RPP40: variants seen among roughly 807,000 people sequenced by gnomAD.
RPP40 encodes the protein ribonuclease P/MRP subunit p40, also known as ribonuclease P protein subunit p40.
In RPP40, 30 loss-of-function variants were observed where a neutral mutation model predicts 42.5. That is an observed-to-expected ratio of 0.71 (90% CI 0.53 to 0.96). RPP40 has a LOEUF of 0.96. Among genes scored for constraint, RPP40 ranks in the 40% least tolerant of loss-of-function variants. The probability of loss-of-function intolerance (pLI) is 0.00; values close to 1 mark genes in which losing one functional copy is unlikely to be tolerated. For missense variants in RPP40, 426 were observed against 433.5 expected, an observed-to-expected ratio of 0.98 and a Z score of 0.15; for synonymous variants, 173 against 164.0, an observed-to-expected ratio of 1.05 and a Z score of -0.42.
At chr6:4,998,574 G>A (rs563903187) in intron 5 of RPP40, 142 bp downstream of exon 5, 3 of 551,528 alleles carry the variant, frequency 5.4e-6, no homozygotes, top group East Asian at 3.6e-5. Context: ...AGAAGGGCTA[G>A]TTTCCTTAAT....
intron 5 of RPP40, among the ~76,000 whole-genome samples, chr6:4,996,766 G>A (rs1186180106): frequency 1.3e-5 from 2 of 152,194 alleles, no homozygotes; most frequent in Admixed American, 6.5e-5. Context: ...CAGAGAGAAG[G>A]AGCTTATCTG....
At chr6:4,991,852 C>G (rs1391226681), downstream of RPP40, among the ~76,000 whole-genome samples, 2 of 152,088 alleles carry the variant, frequency 1.3e-5, no homozygotes, top group Non-Finnish European at 2.9e-5. Context: ...GGTGGATTCC[C>G]CCATTTAGTG....
the RPP40 span, among the ~76,000 whole-genome samples, chr6:4,989,111 T>G: frequency 1.3e-5 from 2 of 152,238 alleles, no homozygotes; most frequent in African/African-American, 4.8e-5. Context: ...TGGTTAATGA[T>G]GTTAGAACAT....
In RPP40 at chr6:4,996,416, T is replaced by C; in HGVS notation, c.564A>G (p.Ser188=). The C allele has an allele frequency of 6.2e-7, 1 of 1,612,700 alleles. No homozygotes were observed. Residue 188 remains serine (S), a synonymous_variant, in exon 6 of 8, where the codon TCA becomes TCG. Transcript: ENST00000380051. ...AATATGACATCATTGTCGATTCTTC[T>C]GAACCTTAAAAACACACCACACAAG... ...DFLLAWHKTG[S]EESTMMSYFS...
rs182025400 is a variant in RPP40 at position 4,999,496 on chromosome 6, G to A, written c.433+313C>T. On this transcript the variant is annotated intron_variant, in intron 4 of 7. Coordinates refer to ENST00000380051, the MANE Select transcript of RPP40 (RefSeq NM_006638.4). Reference sequence around the variant, plus strand: ...GCATTTTTAGCAGAGATGGGGTTTCGCCATGTTGGTCACAATGGTCTCAAT... The same window carrying A: ...GCATTTTTAGCAGAGATGGGGTTTCACCATGTTGGTCACAATGGTCTCAAT... 7.7e-4 allele frequency among the ~76,000 whole-genome samples: 117 copies of A among 151,876 alleles called. 1 individual carries two copies. The Middle Eastern group carries it at 0.01, about 13-fold the overall frequency.
intron 1 of RPP40, among the ~76,000 whole-genome samples, chr6:5,003,087 G>A (rs1453350213): frequency 6.6e-6 from 1 of 152,064 alleles, no homozygotes; most frequent in Non-Finnish European, 1.5e-5. Context: ...GGTGGCTCAC[G>A]CCTGTAATCC....
chr6:4,995,188 C>T lies in RPP40; in HGVS notation c.982G>A (p.Glu328Lys). 2 of 1,614,064 alleles carry T rather than the reference C, an allele frequency of 1.2e-6. No individual in the cohort carries two copies. The highest frequency in any genetic ancestry group is 1.7e-6 in the Non-Finnish European group (2 of 1,179,944). Residue 328 changes from glutamate to lysine, a missense_variant, in exon 8 of 8, where the codon GAA becomes AAA. Physicochemically the swap from Glu to Lys is moderately conservative, Grantham distance 56. Coordinates refer to ENST00000380051, the MANE Select transcript of RPP40 (RefSeq NM_006638.4). Reference protein sequence around the residue: ...ADSPVSWEKNEHGFRKGGEHL... With the variant: ...ADSPVSWEKNKHGFRKGGEHL... ...TCTCCTCCTTTTCGAAAACCATGTT[C>T]ATTTTTTTCCCAAGAAACAGGGCTG...
chr6:5,003,153 C>A (rs1759618111), intron 1 of RPP40, among the ~76,000 whole-genome samples: 1 of 151,808 alleles, frequency 6.6e-6, no homozygotes, highest in South Asian at 2.1e-4. Context: ...TCGAGACCAT[C>A]CTGGCTAACA....
intron 4 of RPP40, among the ~76,000 whole-genome samples, chr6:4,999,569 G>A (rs111629923): frequency 7.4e-4 from 112 of 152,068 alleles, no homozygotes; most frequent in African/African-American, 2.5e-3. Flanking sequence ...GGTTTAACCC[G>A]AAACATATAT....
intron 5 of RPP40, 78 bp from the exon 6 acceptor site, chr6:4,996,498 C>G: frequency 7.6e-7 from 1 of 1,313,162 alleles, no homozygotes; most frequent in Non-Finnish European, 1.1e-6. Context: ...TGAACCCACC[C>G]ATTCCCATCT....
intron 4 of RPP40, 29 bp downstream of exon 4, chr6:4,999,780 G>A: frequency 8.4e-7 from 1 of 1,194,638 alleles, no homozygotes; most frequent in Non-Finnish European, 1.2e-6. Context: ...AAGAAGATTA[G>A]AAACAGATGG....
chr6:4,995,831 GAGTTCCTTT>G, intron 7 of RPP40, 111 bp downstream of exon 7: 1 of 897,388 alleles, frequency 1.1e-6, no homozygotes, highest in Non-Finnish European at 1.7e-6. Context: ...TAGGCGATTT[GAGTTCCTTT>G]CAATGTACAT....
downstream of RPP40, among the ~76,000 whole-genome samples, chr6:4,992,119 C>T (rs145603787): frequency 0.093 from 14,096 of 151,806 alleles, 676 homozygotes; most frequent in Non-Finnish European, 0.11. Context: ...GGAGAGATCA[C>T]GAGGTCAGGA....
downstream of RPP40, among the ~76,000 whole-genome samples, chr6:4,992,187 C>T (rs117914161): frequency 8.7e-6 from 1 of 114,942 alleles, no homozygotes; most frequent in African/African-American, 3.7e-5. Flanking sequence ...AAAAGAAAAA[C>T]AAACAAAAAC....
chr6:5,001,231 A>G, intron 2 of RPP40: 2 of 437,742 alleles, frequency 4.6e-6, no homozygotes, highest in South Asian at 3.2e-5. Flanking sequence ...AATGAGGATC[A>G]TAGGCTTGCT....
Position 4,995,948 on chromosome 6 carries a change from C to T in RPP40, c.893+3G>A, listed in dbSNP as rs773081830. 3.7e-5 allele frequency: 59 copies of T among 1,613,674 alleles called. No individual in the cohort carries two copies. The highest frequency in any genetic ancestry group is 5.0e-5 in the Non-Finnish European group (59 of 1,179,762). The stretch of plus-strand genomic sequence containing the variant: ...AGCGATATAAAAGGTAAAGAGTTCT[C>T]ACCAGAGATGTTCCAATAGGAGACA... On this transcript the variant is annotated splice_donor_region_variant and intron_variant, in intron 7 of 7. Transcript: ENST00000380051.
the RPP40 span, among the ~76,000 whole-genome samples, chr6:4,989,606 A>G: frequency 7.2e-5 from 11 of 152,312 alleles, no homozygotes; most frequent in East Asian, 1.7e-3. Context: ...TCTCTTTATC[A>G]TATCAGTATT....
intron 1 of RPP40, among the ~76,000 whole-genome samples, 154 bp from the exon 2 acceptor site, chr6:5,002,399 C>T (rs1050477712): frequency 2.6e-5 from 4 of 152,190 alleles, no homozygotes; most frequent in African/African-American, 9.7e-5. Flanking sequence ...GTTAACTTAC[C>T]TATCTCAGGC....
chr6:5,002,428 TTAAG>T (rs1759591793), intron 1 of RPP40, among the ~76,000 whole-genome samples, 183 bp from the exon 2 acceptor site: 1 of 152,200 alleles, frequency 6.6e-6, no homozygotes, highest in Non-Finnish European at 1.5e-5. Context: ...ATCTGACTAC[TTAAG>T]TTTTTCATTT....
Sources: gnomAD v4.1 joint callset for allele counts (sites outside exome capture counted in the v4.1 genomes callset) on GRCh38, gnomAD v4.1.1 for gene constraint, MANE v1.5 for transcripts, NCBI Gene and HGNC (gene_info 2026-07-23, HGNC 2026-07-21) for gene names.